RANBP17: variants seen among roughly 807,000 people sequenced by gnomAD.
RANBP17 encodes the protein ran-binding protein 17.
Under a neutral mutation model 141.2 loss-of-function variants are expected in RANBP17, and 158 were observed. The observed-to-expected ratio is 1.12, with a 90% confidence interval of 0.98 to 1.28. RANBP17 has a LOEUF of 1.28. Among genes scored for constraint, RANBP17 ranks in the 50% most tolerant of loss-of-function variants. The pLI is 0.00. For synonymous variants in RANBP17, 430 were observed against 450.0 expected (o/e 0.96, Z 0.56); for missense variants, 1,438 against 1,290.7 (o/e 1.11, Z -1.75).
chr5:171,246,822 G>A (rs1427157930), intron 24 of RANBP17, among the ~76,000 whole-genome samples: 2 of 152,214 alleles, frequency 1.3e-5, no homozygotes, highest in Non-Finnish European at 2.9e-5. Context: ...GGCACATGTG[G>A]TGTGCCTGCT....
At chr5:170,916,655 C>T in intron 9 of RANBP17, 71 bp downstream of exon 9, 1 of 957,398 alleles carries the variant, frequency 1.0e-6, no homozygotes, top group Non-Finnish European at 1.5e-6. Flanking sequence ...ATAATAAACT[C>T]ATCATGAATT....
At chr5:171,227,176 G>T (rs868743939) in intron 22 of RANBP17, among the ~76,000 whole-genome samples, 3 of 152,220 alleles carry the variant, frequency 2.0e-5, no homozygotes, top group African/African-American at 4.8e-5. Context: ...TAGCGAAGAA[G>T]GCATGTCAAA....
chr5:170,901,539 G>A (rs4868045), intron 5 of RANBP17, among the ~76,000 whole-genome samples: 95,979 of 151,986 alleles, frequency 0.63, 31,268 homozygotes, highest in South Asian at 0.9. Context: ...TAGTATTGTT[G>A]TATGTGAATT....
intron 2 of RANBP17, among the ~76,000 whole-genome samples, chr5:170,878,866 A>G (rs1161757475): frequency 1.3e-5 from 2 of 152,148 alleles, no homozygotes; most frequent in Non-Finnish European, 2.9e-5. Flanking sequence ...CAGATAGCAA[A>G]TATTGTAGAC....
intron 13 of RANBP17, among the ~76,000 whole-genome samples, chr5:170,955,540 A>G (rs1486871215): frequency 3.8e-5 from 4 of 104,596 alleles, no homozygotes; most frequent in Non-Finnish European, 8.0e-5. Flanking sequence ...GTATATATAT[A>G]TATGCTCAGT....
intron 12 of RANBP17, among the ~76,000 whole-genome samples, chr5:170,935,587 G>C (rs1260976452): frequency 6.6e-6 from 1 of 152,172 alleles, no homozygotes; most frequent in East Asian, 1.9e-4. Context: ...TCCAGACCCT[G>C]TTTGCCTGGG....
chr5:171,225,235 T>A (rs1170552331), intron 22 of RANBP17, among the ~76,000 whole-genome samples: 1 of 152,256 alleles, frequency 6.6e-6, no homozygotes, highest in Non-Finnish European at 1.5e-5. Flanking sequence ...TGAAGCACTG[T>A]TCTTTAAAGT....
chr5:171,175,891 A>T (rs546792257), intron 16 of RANBP17, among the ~76,000 whole-genome samples: 3 of 152,196 alleles, frequency 2.0e-5, no homozygotes, highest in African/African-American at 7.2e-5. Flanking sequence ...CTAGCTACAT[A>T]ATTTGCAGGG....
rs1300500179 is a variant in RANBP17 at position 170,916,574 on chromosome 5, A to C, written c.944A>C (p.Glu315Ala). ...ATTAAGGGAGTAAAAAGGATACTTG[A>C]AAACCCTCAGGTATTTATGAAGTAA... ...NLIKGVKRIL[E>A]NPQGLSDPGN... The change falls in exon 9 of 28, where the codon GAA becomes GCA. Residue 315 changes from glutamate to alanine, a missense_variant. Coordinates refer to ENST00000523189, the MANE Select transcript of RANBP17 (RefSeq NM_022897.5). The C allele has an allele frequency of 1.9e-6, 3 of 1,558,876 alleles. No individual in the cohort carries two copies. The East Asian group carries it at 6.8e-5, about 35-fold the overall frequency.
intron 24 of RANBP17, among the ~76,000 whole-genome samples, chr5:171,255,733 A>G (rs1167121627): frequency 1.3e-5 from 2 of 152,130 alleles, no homozygotes; most frequent in South Asian, 2.1e-4. Context: ...CTATGAAGAA[A>G]GCGTTGTGAG....
intron 7 of RANBP17, among the ~76,000 whole-genome samples, chr5:170,912,293 T>G (rs1253418536): frequency 6.6e-6 from 1 of 151,996 alleles, no homozygotes. Flanking sequence ...AATAAGATTG[T>G]GGATTTTATC....
chr5:171,290,227 G>A (rs1187777431), intron 25 of RANBP17, among the ~76,000 whole-genome samples: 3 of 151,998 alleles, frequency 2.0e-5, no homozygotes, highest in Non-Finnish European at 4.4e-5. Flanking sequence ...AAATTAGCCG[G>A]GCGTGGTGGC....
chr5:171,207,019 G>A (rs1321727650), intron 20 of RANBP17: 1 of 171,832 alleles, frequency 5.8e-6, no homozygotes, highest in South Asian at 2.0e-4. Context: ...TAAGATACGG[G>A]GTCTTGTATG....
chr5:170,947,804 A>G (rs964374631), intron 12 of RANBP17, among the ~76,000 whole-genome samples: 5 of 152,072 alleles, frequency 3.3e-5, no homozygotes, highest in African/African-American at 1.2e-4. Context: ...CTCAGGGTAT[A>G]TGGTCTTCTT....
intron 14 of RANBP17, among the ~76,000 whole-genome samples, chr5:171,148,159 G>A (rs1260909811): frequency 1.3e-5 from 2 of 152,072 alleles, no homozygotes; most frequent in African/African-American, 2.4e-5. Context: ...GGCGGTGCAA[G>A]ATGTGCTTTG....
intron 20 of RANBP17, among the ~76,000 whole-genome samples, chr5:171,211,055 T>C (rs937708441): frequency 1.3e-5 from 2 of 149,018 alleles, no homozygotes; most frequent in Non-Finnish European, 3.0e-5. Context: ...CCCCAGCCCT[T>C]AGCATAGTAC....
chr5:170,979,613 A>C (rs1480434972), intron 14 of RANBP17, among the ~76,000 whole-genome samples: 1 of 152,148 alleles, frequency 6.6e-6, no homozygotes, highest in Non-Finnish European at 1.5e-5. Context: ...GATGGTTACT[A>C]TAAAGGGGAG....
intron 24 of RANBP17, 68 bp from the exon 25 acceptor site, chr5:171,265,613 C>T (rs1766618983): frequency 3.8e-6 from 5 of 1,303,658 alleles, no homozygotes; most frequent in African/African-American, 1.5e-5. Flanking sequence ...TTTAATGGAG[C>T]CGTTAGAAAA....
intron 7 of RANBP17, 37 bp from the exon 8 acceptor site, chr5:170,914,130 G>T: frequency 1.5e-6 from 2 of 1,331,966 alleles, no homozygotes; most frequent in South Asian, 1.2e-5. Flanking sequence ...TCACTGAATT[G>T]AAAGTAATGG....
Sources: gnomAD v4.1 joint callset for allele counts (sites outside exome capture counted in the v4.1 genomes callset) on GRCh38, gnomAD v4.1.1 for gene constraint, MANE v1.5 for transcripts, NCBI Gene and HGNC (gene_info 2026-07-23, HGNC 2026-07-21) for gene names.